The following FAT3 variants were observed in gnomAD, a reference collection of about 807,000 sequenced individuals.
FAT3 encodes FAT atypical cadherin 3, also known as protocadherin Fat 3.
In FAT3, 95 loss-of-function variants were observed where a neutral mutation model predicts 310.2. The ratio of observed to expected loss-of-function variants is 0.31; its 90% CI spans 0.26 to 0.36. The LOEUF is 0.36. Ranked by LOEUF, FAT3 falls within the 10% of genes least tolerant of loss-of-function variation. The pLI, the probability that FAT3 is intolerant of heterozygous loss-of-function variation, is 1.00. For synonymous variants in FAT3, 2,314 were observed against 2,192.9 expected, an observed-to-expected ratio of 1.06 and a Z score of -1.54; for missense variants, 5,408 against 5,715.6, an observed-to-expected ratio of 0.95 and a Z score of 1.74.
Position 92,801,830 on chromosome 11 carries a change from G to A in FAT3, c.8817G>A (p.Pro2939=), listed in dbSNP as rs377320111. ...YRGNVKESDP[P]GEVVAVLSTW... The stretch of plus-strand genomic sequence containing the variant: ...GGAATGTGAAGGAGAGCGACCCACC[G>A]GGCGAGGTGGTAGCCGTCCTCAGCA... Residue 2939 remains proline, a synonymous_variant, in exon 10 of 28, where the codon CCG becomes CCA. Transcript: ENST00000525166. 3.3e-5 allele frequency: 54 copies of A among 1,613,840 alleles called. No individual in the cohort carries two copies. The highest frequency in any genetic ancestry group is 3.9e-5 in the Non-Finnish European group (46 of 1,179,880).
chr11:92,798,207 G>A lies in FAT3; in HGVS notation c.5194G>A (p.Glu1732Lys). 6.2e-7 allele frequency: 1 copy of A among 1,613,936 alleles called. No individual in the cohort carries two copies. Among genetic ancestry groups the A allele is most frequent in the South Asian group, 1.1e-5 (1 of 91,072 alleles). The change falls in exon 10 of 28, where the codon GAG (glutamate) becomes AAG (lysine). Residue 1732 changes from glutamate (E) to lysine (K), a missense_variant. Glu to Lys is a moderately conservative substitution (Grantham distance 56, BLOSUM62 1). Coordinates refer to ENST00000525166, the MANE Select transcript of FAT3 (RefSeq NM_001367949.2). ...CACCACTCAGAAGGCCCTGGATTAT[G>A]AGCGCACATCCTCTTATCAACTCAT... ...VITTQKALDY[E>K]RTSSYQLIIQ...
chr11:92,673,849 G>C (rs891795725), intron 3 of FAT3, among the ~76,000 whole-genome samples: 1 of 152,194 alleles, frequency 6.6e-6, no homozygotes, highest in South Asian at 2.1e-4. Context: ...CTTCCAGGAG[G>C]ATAAGATTGA....
At position 92,798,701 on chromosome 11, in the gene FAT3, C is replaced by G; in HGVS notation, c.5688C>G (p.Thr1896=). The stretch of plus-strand genomic sequence containing the variant: ...TTGAGACTATCTTACTTCTACCTAC[C>G]TATGTTGGAGTGGAGGTTCTGAAAG... ...AVFETILLLP[T]YVGVEVLKVS... The change falls in exon 10 of 28, where the codon ACC becomes ACG. Residue 1896 remains threonine (T), a synonymous_variant. Transcript: ENST00000525166. 1 of 1,613,760 alleles carries G rather than the reference C, an allele frequency of 6.2e-7. No homozygotes were observed. Among genetic ancestry groups the G allele is most frequent in the Non-Finnish European group, 8.5e-7 (1 of 1,179,812 alleles).
rs1948685290 is a variant in FAT3, at chr11:92,846,374, G to T, written c.11365+1642G>T. On this transcript the variant is annotated intron_variant, in intron 19 of 27. Transcript: ENST00000525166. ...GAGCTGACAATTGTAAAGTCAGCTT[G>T]CAAGCACCTACTTGCTGTAACAGTG... 2.6e-5 allele frequency among the ~76,000 whole-genome samples: 4 copies of T among 152,174 alleles called. No homozygotes were observed. The South Asian group carries it at 8.3e-4, about 32-fold the overall frequency.
intron 1 of FAT3, among the ~76,000 whole-genome samples, chr11:92,335,679 GTA>G (rs1948052930): frequency 6.6e-6 from 1 of 152,190 alleles, no homozygotes; most frequent in African/African-American, 2.4e-5. Flanking sequence ...GTAATGTTAA[GTA>G]TATGCACTTT....
At chr11:92,452,473 G>A (rs1951381639) in intron 2 of FAT3, among the ~76,000 whole-genome samples, 2 of 152,168 alleles carry the variant, frequency 1.3e-5, no homozygotes, top group South Asian at 4.1e-4. Context: ...ACATCATAAT[G>A]TCTTGCCACT....
intron 3 of FAT3, among the ~76,000 whole-genome samples, chr11:92,658,639 T>C (rs1942665162): frequency 2.0e-5 from 3 of 152,218 alleles, no homozygotes; most frequent in Admixed American, 2.0e-4. Context: ...GGCTGCTGAC[T>C]CCGTACTGAC....
chr11:92,479,766 C>G (rs982290773), intron 2 of FAT3, among the ~76,000 whole-genome samples: 2 of 152,170 alleles, frequency 1.3e-5, no homozygotes, highest in African/African-American at 4.8e-5. Context: ...CAAAGCTGGC[C>G]TTTCATAGTA....
At chr11:92,444,593 C>G (rs73548491) in intron 2 of FAT3, among the ~76,000 whole-genome samples, 3 of 147,284 alleles carry the variant, frequency 2.0e-5, no homozygotes, top group Non-Finnish European at 4.4e-5. Flanking sequence ...CCATCTCAGA[C>G]GTAGGAGGAC....
At chr11:92,764,120 C>A (rs533263842) in intron 5 of FAT3, among the ~76,000 whole-genome samples, 4 of 152,250 alleles carry the variant, frequency 2.6e-5, no homozygotes, top group Admixed American at 6.5e-5. Context: ...GGACTCTTCA[C>A]CCTGCCCAGC....
intron 1 of FAT3, among the ~76,000 whole-genome samples, chr11:92,269,258 T>C (rs1434190887): frequency 2.0e-5 from 3 of 152,122 alleles, no homozygotes; most frequent in Non-Finnish European, 4.4e-5. Flanking sequence ...ATAGTCTTAA[T>C]GAGCTAGAAA....
At chr11:92,270,602 C>G (rs1167690832) in intron 1 of FAT3, among the ~76,000 whole-genome samples, 1 of 152,068 alleles carries the variant, frequency 6.6e-6, no homozygotes, top group Non-Finnish European at 1.5e-5. Flanking sequence ...AGGAGAATCA[C>G]TTGAACCCAG....
At chr11:92,708,006 T>C (rs1944408744) in intron 4 of FAT3, among the ~76,000 whole-genome samples, 1 of 152,252 alleles carries the variant, frequency 6.6e-6, no homozygotes, top group Admixed American at 6.5e-5. Flanking sequence ...TTCAAGACCT[T>C]TCAAGTGCCT....
At chr11:92,332,038 T>C (rs1438034493) in intron 1 of FAT3, among the ~76,000 whole-genome samples, 1 of 152,220 alleles carries the variant, frequency 6.6e-6, no homozygotes, top group Non-Finnish European at 1.5e-5. Flanking sequence ...CTGAAGCAGC[T>C]CTTCCATCAT....
Position 92,522,833 on chromosome 11 carries a change from T to TA in FAT3, c.3293-1801_3293-1800insA, listed in dbSNP as rs545264562. On this transcript the variant is annotated intron_variant, in intron 2 of 27. Coordinates refer to ENST00000525166, the MANE Select transcript of FAT3 (RefSeq NM_001367949.2). ...AAGTGAACATAGAATGTATGTTGCA[T>TA]GTATGTTTGCCCACTGCGAATATGG... 1.3e-4 allele frequency among the ~76,000 whole-genome samples: 20 copies of TA among 152,292 alleles called. No homozygotes were observed. The South Asian group carries it at 3.9e-3, about 30-fold the overall frequency.
chr11:92,354,030 A>G lies in FAT3; in HGVS notation c.1918A>G (p.Thr640Ala). ...TGTTTTACAGCTTAAAAAATCACTG[A>G]CAAATTCTGGCATTAAAAATGGCAA... is the stretch of plus-strand genomic sequence containing the variant. ...SGVLQLKKSL[T>A]NSGIKNGNFA... is the part of the protein sequence containing the mutation. Residue 640 changes from threonine (T) to alanine (A), a missense_variant, in exon 2 of 28, where the codon ACA becomes GCA. Around this residue, in one of 5 missense-constraint regions of FAT3, gnomAD observed 4,588 missense variants for 4,809.8 expected, o/e 0.95. Coordinates refer to ENST00000525166, the MANE Select transcript of FAT3 (RefSeq NM_001367949.2). 2 of 1,613,374 alleles carry G rather than the reference A, an allele frequency of 1.2e-6. No homozygotes were observed. Among genetic ancestry groups the G allele is most frequent in the South Asian group, 1.1e-5 (1 of 91,020 alleles).
intron 3 of FAT3, among the ~76,000 whole-genome samples, chr11:92,684,684 T>C (rs1473744617): frequency 6.6e-6 from 1 of 152,158 alleles, no homozygotes; most frequent in African/African-American, 2.4e-5. Flanking sequence ...AACTATGGAA[T>C]AAACAAGCTA....
At chr11:92,508,318 G>C (rs1270782065) in intron 2 of FAT3, among the ~76,000 whole-genome samples, 3 of 152,028 alleles carry the variant, frequency 2.0e-5, no homozygotes, top group African/African-American at 7.2e-5. Flanking sequence ...TCATTCACTT[G>C]AGAAAAGAAT....
intron 1 of FAT3, among the ~76,000 whole-genome samples, chr11:92,276,749 G>C (rs796869724): frequency 1.1e-4 from 17 of 152,290 alleles, no homozygotes; most frequent in African/African-American, 3.1e-4. Context: ...GCTGAGTTGG[G>C]AATCCAGGAG....
Sources: allele counts gnomAD v4.1 joint callset (sites outside exome capture counted in the v4.1 genomes callset), GRCh38; gene constraint gnomAD v4.1.1; regional missense constraint gnomAD v4.1.1; transcripts MANE v1.5; gene names NCBI Gene and HGNC (gene_info 2026-07-23, HGNC 2026-07-21).